ADAMTS20: variants seen among roughly 807,000 people sequenced by gnomAD.
ADAMTS20 encodes ADAM metallopeptidase with thrombospondin type 1 motif 20, also known as A disintegrin and metalloproteinase with thrombospondin motifs 20.
A neutral mutation model predicts 260.1 loss-of-function variants in ADAMTS20; 225 were observed. That is an observed-to-expected ratio of 0.87 (90% CI 0.78 to 0.97). The LOEUF (loss-of-function observed/expected upper bound fraction) is 0.97, where lower values mean the gene tolerates loss of function less well. Ranked by LOEUF, ADAMTS20 falls within the 50% of genes least tolerant of loss-of-function variation. ADAMTS20 has a pLI of 0.00. For synonymous variants in ADAMTS20, 802 were observed against 769.5 expected, an observed-to-expected ratio of 1.04 and a Z score of -0.70; for missense variants, 2,400 against 2,337.7, an observed-to-expected ratio of 1.03 and a Z score of -0.55.
intron 2 of ADAMTS20, among the ~76,000 whole-genome samples, chr12:43,545,423 AT>A (rs1264268127): frequency 2.6e-5 from 4 of 152,190 alleles, no homozygotes; most frequent in Non-Finnish European, 5.9e-5. Flanking sequence ...TTTCATATCC[AT>A]TTTTATTCAT....
chr12:43,381,079 C>G (rs1213353883), intron 31 of ADAMTS20, among the ~76,000 whole-genome samples: 2 of 151,932 alleles, frequency 1.3e-5, no homozygotes. Flanking sequence ...AGAAATAAAC[C>G]AATACATTTA....
intron 5 of ADAMTS20, 62 bp from the exon 6 acceptor site, chr12:43,492,691 T>A: frequency 6.3e-7 from 1 of 1,575,662 alleles, no homozygotes; most frequent in Admixed American, 1.7e-5. Context: ...TCCTTCCAAG[T>A]TTATCAGCAT....
chr12:43,515,161 C>T (rs964713334), intron 3 of ADAMTS20, among the ~76,000 whole-genome samples: 16 of 152,262 alleles, frequency 1.1e-4, no homozygotes, highest in Middle Eastern at 6.8e-3. Flanking sequence ...TAAAATCATT[C>T]TAGAAATACC....
chr12:43,375,329 C>A, intron 36 of ADAMTS20, 50 bp downstream of exon 36: 1 of 1,583,046 alleles, frequency 6.3e-7, no homozygotes, highest in South Asian at 1.1e-5. Flanking sequence ...GTTTGACGTT[C>A]ATAAGCAAAT....
At chr12:43,477,980 A>C (rs1020942072) in intron 7 of ADAMTS20, among the ~76,000 whole-genome samples, 10 of 152,198 alleles carry the variant, frequency 6.6e-5, no homozygotes, top group African/African-American at 2.4e-4. Context: ...GCTTAATATT[A>C]AATAAATATA....
At chr12:43,370,768 C>T (rs1403128900) in intron 36 of ADAMTS20, among the ~76,000 whole-genome samples, 2 of 152,192 alleles carry the variant, frequency 1.3e-5, no homozygotes, top group Non-Finnish European at 2.9e-5. Flanking sequence ...GTACTACCAT[C>T]TGTCTTGTTA....
chr12:43,373,527 C>G (rs534501532), intron 36 of ADAMTS20, among the ~76,000 whole-genome samples: 28 of 152,004 alleles, frequency 1.8e-4, no homozygotes, highest in Non-Finnish European at 3.8e-4. Context: ...CAAAAAAAAT[C>G]TCAAAATGTT....
intron 3 of ADAMTS20, among the ~76,000 whole-genome samples, chr12:43,510,574 A>G (rs942380450): frequency 2.6e-5 from 4 of 152,016 alleles, no homozygotes; most frequent in African/African-American, 9.7e-5. Flanking sequence ...CATCATTTCT[A>G]TGTAATACAT....
Position 43,470,637 on chromosome 12 carries a change from G to C in ADAMTS20, c.1118-1932C>G, listed in dbSNP as rs79736321. Among the ~76,000 whole-genome samples, 948 of 152,258 alleles carry C rather than the reference G, an allele frequency of 6.2e-3. 10 individuals are homozygous for C. The highest frequency in any genetic ancestry group is 0.021 in the African/African-American group (863 of 41,544). On this transcript the variant is annotated intron_variant, in intron 7 of 38. Coordinates refer to ENST00000389420, the MANE Select transcript of ADAMTS20 (RefSeq NM_025003.5). ...AGGTTCCCTGTGTTTGGAAATACAA[G>C]AAGCTGCATACAGCCACCCAATCTA...
chr12:43,353,037 A>T (rs1264014849), downstream of ADAMTS20, among the ~76,000 whole-genome samples: 1 of 152,144 alleles, frequency 6.6e-6, no homozygotes, highest in Non-Finnish European at 1.5e-5. Flanking sequence ...ACTAGTATTC[A>T]CTGGCAAAAA....
At chr12:43,367,653 A>G (rs1462454673) in intron 37 of ADAMTS20, among the ~76,000 whole-genome samples, 1 of 152,072 alleles carries the variant, frequency 6.6e-6, no homozygotes, top group Non-Finnish European at 1.5e-5. Flanking sequence ...CACTCTTGCC[A>G]CTTTTATTCA....
chr12:43,385,755 T>C (rs1940459116), intron 29 of ADAMTS20, among the ~76,000 whole-genome samples: 1 of 152,190 alleles, frequency 6.6e-6, no homozygotes. Flanking sequence ...AAAGATCAGA[T>C]GGTTGTAGTT....
intron 2 of ADAMTS20, among the ~76,000 whole-genome samples, chr12:43,540,150 G>A (rs1336249211): frequency 4.6e-5 from 7 of 152,272 alleles, no homozygotes; most frequent in East Asian, 1.9e-4. Context: ...GATTACAGGC[G>A]TTAGCCACCA....
chr12:43,471,128 C>G (rs902227311), intron 7 of ADAMTS20, among the ~76,000 whole-genome samples: 1 of 152,014 alleles, frequency 6.6e-6, no homozygotes, highest in Non-Finnish European at 1.5e-5. Context: ...AGTGGGTGCA[C>G]GCACCGTGCG....
chr12:43,484,710 A>G (rs963009425), intron 7 of ADAMTS20, among the ~76,000 whole-genome samples: 1 of 152,198 alleles, frequency 6.6e-6, no homozygotes, highest in African/African-American at 2.4e-5. Context: ...GGCCAAACCT[A>G]GGAATTATAG....
chr12:43,416,818 G>A (rs905160767), intron 28 of ADAMTS20, among the ~76,000 whole-genome samples: 2 of 152,096 alleles, frequency 1.3e-5, no homozygotes, highest in East Asian at 1.9e-4. Flanking sequence ...CACCGCGCCC[G>A]GCCAAACTGA....
At chr12:43,527,327 T>C (rs945828173) in intron 3 of ADAMTS20, among the ~76,000 whole-genome samples, 8 of 151,998 alleles carry the variant, frequency 5.3e-5, no homozygotes, top group African/African-American at 1.7e-4. Flanking sequence ...CAGGGAATCC[T>C]CCATAAATAT....
intron 7 of ADAMTS20, among the ~76,000 whole-genome samples, chr12:43,479,405 T>C (rs1259836107): frequency 6.6e-6 from 1 of 152,162 alleles, no homozygotes; most frequent in African/African-American, 2.4e-5. Context: ...AAAGTATACA[T>C]GGAGTATTTT....
intron 9 of ADAMTS20, among the ~76,000 whole-genome samples, chr12:43,466,298 T>C (rs1287378553): frequency 6.6e-6 from 1 of 151,956 alleles, no homozygotes; most frequent in East Asian, 1.9e-4. Context: ...CTCAAAATAT[T>C]ACCTAGTCAC....
Sources: gnomAD v4.1 joint callset for allele counts (sites outside exome capture counted in the v4.1 genomes callset) on GRCh38, gnomAD v4.1.1 for gene constraint, MANE v1.5 for transcripts, NCBI Gene and HGNC (gene_info 2026-07-23, HGNC 2026-07-21) for gene names.